Variants in SV2C observed in about 807,000 individuals in gnomAD.
The protein encoded by SV2C is solute carrier family 22 member B3.
SV2C carries 49 observed loss-of-function variants against 79.7 expected under a neutral mutation model. That is an observed-to-expected ratio of 0.61 (90% CI 0.49 to 0.78). The LOEUF (loss-of-function observed/expected upper bound fraction) is 0.78. Among genes scored for constraint, SV2C ranks in the 30% least tolerant of loss-of-function variants. The probability of loss-of-function intolerance (pLI) is 0.00; values close to 1 mark genes in which losing one functional copy is unlikely to be tolerated. For missense variants in SV2C, 833 were observed against 912.9 expected, an observed-to-expected ratio of 0.91 and a Z score of 1.13; for synonymous variants, 334 against 333.2, an observed-to-expected ratio of 1.00 and a Z score of -0.03.
chr5:75,919,662 T>C, the SV2C span, among the ~76,000 whole-genome samples: 1 of 152,202 alleles, frequency 6.6e-6, no homozygotes, highest in Non-Finnish European at 1.5e-5. Context: ...GAACCTACCT[T>C]AAACCAGACT....
intron 3 of SV2C, among the ~76,000 whole-genome samples, chr5:76,195,441 T>C (rs1028477329): frequency 6.6e-6 from 1 of 152,242 alleles, no homozygotes; most frequent in Non-Finnish European, 1.5e-5. Flanking sequence ...CTACCTGTTA[T>C]GAACTAATTA....
At chr5:76,103,622 C>G (rs1424839375) in intron 1 of SV2C, among the ~76,000 whole-genome samples, 2 of 152,170 alleles carry the variant, frequency 1.3e-5, no homozygotes, top group Non-Finnish European at 2.9e-5. Context: ...ATGCTAGTTA[C>G]TTATATTAAG....
At chr5:76,181,323 CAG>C (rs1447613885) in intron 2 of SV2C, among the ~76,000 whole-genome samples, 4 of 152,216 alleles carry the variant, frequency 2.6e-5, no homozygotes, top group African/African-American at 9.6e-5. Context: ...GTATGGCCCA[CAG>C]AGTCTGAGGT....
intron 9 of SV2C, chr5:76,296,240 G>A: frequency 5.3e-6 from 1 of 187,078 alleles, no homozygotes; most frequent in Non-Finnish European, 1.1e-5. Flanking sequence ...CAAAAATAAT[G>A]GAAGGAAGAG....
the SV2C span, among the ~76,000 whole-genome samples, chr5:76,014,195 A>T: frequency 7.0e-6 from 1 of 142,306 alleles, no homozygotes; most frequent in Non-Finnish European, 1.6e-5. Flanking sequence ...AAAGAAGGAA[A>T]GAGAAAGAAA....
the SV2C span, among the ~76,000 whole-genome samples, chr5:76,049,021 A>AAGAAAGAAAGAC: frequency 9.4e-6 from 1 of 106,122 alleles, no homozygotes; most frequent in Non-Finnish European, 2.0e-5. Context: ...GAAAGAAAGA[A>AAGAAAGAAAGAC]AGAAAAAGAA....
the SV2C span, among the ~76,000 whole-genome samples, chr5:75,899,743 G>A: frequency 6.6e-6 from 1 of 151,958 alleles, no homozygotes; most frequent in Admixed American, 6.6e-5. Flanking sequence ...TATGAATCTG[G>A]GTGCTCCTGT....
At chr5:76,141,680 C>T (rs970370797) in intron 2 of SV2C, among the ~76,000 whole-genome samples, 1 of 151,582 alleles carries the variant, frequency 6.6e-6, no homozygotes, top group Non-Finnish European at 1.5e-5. Flanking sequence ...AAAAATTAGC[C>T]AGGCGTGGTG....
At chr5:76,297,204 G>A (rs1441080586) in intron 9 of SV2C, among the ~76,000 whole-genome samples, 1 of 151,988 alleles carries the variant, frequency 6.6e-6, no homozygotes. Flanking sequence ...TGTCCTTCAG[G>A]AAAATTTGAA....
Position 76,291,255 on chromosome 5 carries a change from A to C in SV2C, c.1172A>C (p.Glu391Ala). The change falls in exon 7 of 13, where the codon GAG becomes GCG. Residue 391 changes from glutamate (E) to alanine (A), a missense_variant. Physicochemically the swap from Glu to Ala is moderately radical, Grantham distance 107 (BLOSUM62 -1). Transcript: ENST00000502798. ...NKIKTPKQID[E>A]LIEIESDTGT... ...ATAAAAACTCCTAAACAAATAGATGAGCTGATTGAAATTGAGAGTGACACA... is the reference window on the plus strand; with the variant it reads ...ATAAAAACTCCTAAACAAATAGATGCGCTGATTGAAATTGAGAGTGACACA... 6.2e-7 allele frequency: 1 copy of C among 1,612,936 alleles called. No homozygotes were observed. Among genetic ancestry groups the C allele is most frequent in the Non-Finnish European group, 8.5e-7 (1 of 1,179,536 alleles).
chr5:76,294,233 C>T (rs1474930281), intron 8 of SV2C, among the ~76,000 whole-genome samples: 1 of 151,930 alleles, frequency 6.6e-6, no homozygotes, highest in Non-Finnish European at 1.5e-5. Flanking sequence ...GCCATACACA[C>T]ACACACAAAG....
chr5:76,051,033 CAAACAA>C, the SV2C span, among the ~76,000 whole-genome samples: 3 of 151,904 alleles, frequency 2.0e-5, no homozygotes, highest in Admixed American at 6.6e-5. Flanking sequence ...ACAGTCAACA[CAAACAA>C]AAATTAAACA....
At chr5:76,120,457 G>A (rs1748447259) in intron 1 of SV2C, among the ~76,000 whole-genome samples, 1 of 145,822 alleles carries the variant, frequency 6.9e-6, no homozygotes, top group Non-Finnish European at 1.5e-5. Flanking sequence ...ATGCTGGTAT[G>A]CTGCACCCAT....
chr5:76,182,229 C>T (rs1337655187), intron 2 of SV2C, among the ~76,000 whole-genome samples: 1 of 152,152 alleles, frequency 6.6e-6, no homozygotes, highest in African/African-American at 2.4e-5. Flanking sequence ...ATGAGGGTTT[C>T]TGTTGTGAAC....
In SV2C at chr5:76,333,933, T is replaced by A. The variant is rs983981604; in HGVS notation, c.*8386T>A. 2.0e-5 allele frequency: 3 copies of A among 151,606 alleles called. No homozygotes were observed. Among genetic ancestry groups the A allele is most frequent in the Non-Finnish European group, 2.9e-5 (2 of 67,890 alleles). The allele number at this position is 151,606 out of a possible 1,614,324, so 9.4% of individuals were successfully genotyped here. ...CAGATTAATAAAAGAGCATTTTTTT[T>A]TTGCTCCATTATATTCAAATACAGA... On this transcript the variant is annotated 3_prime_UTR_variant, in exon 13 of 13. Transcript: ENST00000502798.
rs180927615 is a variant in SV2C, at chr5:76,289,372, T to G, written c.1138-1849T>G. Among the ~76,000 whole-genome samples, 352 of 152,278 alleles carry G rather than the reference T, an allele frequency of 2.3e-3. 1 individual carries two copies. The highest frequency in any genetic ancestry group is 3.7e-3 in the Non-Finnish European group (255 of 68,018). On this transcript the variant is annotated intron_variant, in intron 6 of 12. Transcript: ENST00000502798. ...TCCACACATGCAGGTTGAAGGACTT[T>G]GTGGGCATCCTTCTAGATCACATAG...
intron 12 of SV2C, among the ~76,000 whole-genome samples, chr5:76,303,676 G>A (rs1478989717): frequency 6.6e-6 from 1 of 152,096 alleles, no homozygotes; most frequent in Non-Finnish European, 1.5e-5. Context: ...AAATTGGTCA[G>A]GTCCTTCCTG....
At chr5:75,910,629 C>A in the SV2C span, 1 of 851,952 alleles carries the variant, frequency 1.2e-6, no homozygotes, top group East Asian at 2.6e-5. Flanking sequence ...TATGATGGTG[C>A]CCAACATCAC....
chr5:76,231,739 C>T lies in SV2C; in HGVS notation c.913+21852C>T, dbSNP rs1004011925. ...TACTGAGAACGATGATTTCCAATTT[C>T]ATCCATGTCCCTACAAAGGACATGA... On this transcript the variant is annotated intron_variant, in intron 4 of 12. Coordinates refer to ENST00000502798, the MANE Select transcript of SV2C (RefSeq NM_014979.4). 9.7e-5 allele frequency among the ~76,000 whole-genome samples: 14 copies of T among 144,142 alleles called. 2 individuals are homozygous for T. The highest frequency in any genetic ancestry group is 4.1e-4 in the African/African-American group (14 of 33,784). The allele number at this position is 144,142 out of a possible 152,430, so 94.6% of individuals were successfully genotyped here. A position where few individuals can be genotyped will look rare whatever the true frequency, so the allele number is the denominator to read the frequency against.
Sources: allele counts gnomAD v4.1 joint callset (sites outside exome capture counted in the v4.1 genomes callset), GRCh38; gene constraint gnomAD v4.1.1; transcripts MANE v1.5; gene names NCBI Gene and HGNC (gene_info 2026-07-23, HGNC 2026-07-21).